Variants in SPAG17 observed in about 807,000 individuals in gnomAD.
SPAG17 encodes sperm-associated antigen 17.
Under a neutral mutation model 273.6 loss-of-function variants are expected in SPAG17, and 169 were observed. That is an observed-to-expected ratio of 0.62 (90% CI 0.55 to 0.70). The LOEUF (loss-of-function observed/expected upper bound fraction) is 0.70, where lower values mean the gene tolerates loss of function less well. SPAG17 is among the 30% of genes least tolerant of loss of function. The pLI, the probability that SPAG17 is intolerant of heterozygous loss-of-function variation, is 0.00. For missense variants in SPAG17, 2,557 were observed against 2,627.8 expected, an observed-to-expected ratio of 0.97 and a Z score of 0.59; for synonymous variants, 825 against 873.2, an observed-to-expected ratio of 0.94 and a Z score of 0.97.
chr1:118,103,792 G>A (rs539921225), intron 4 of SPAG17, among the ~76,000 whole-genome samples: 68 of 151,216 alleles, frequency 4.5e-4, no homozygotes, highest in South Asian at 2.9e-3. Flanking sequence ...ACATTTGAGC[G>A]AAGATCTCAA....
Position 118,023,360 on chromosome 1 carries a change from G to T in SPAG17, c.4013C>A (p.Ser1338Tyr). The T allele has an allele frequency of 3.7e-6, 6 of 1,612,614 alleles. No individual in the cohort carries two copies. Among genetic ancestry groups the T allele is most frequent in the Non-Finnish European group, 5.1e-6 (6 of 1,179,072 alleles). ...ATPHSGDLMD[S>Y]ISQQKSETIP... ...CGTTTCTGATTTCTGCTGAGAAATA[G>T]AGTCCATCAAATCTCCACTGTGAGG... is the stretch of plus-strand genomic sequence containing the variant. The change falls in exon 28 of 49, where the codon TCT (serine) becomes TAT (tyrosine). Residue 1338 changes from serine (S) to tyrosine (Y), a missense_variant. Coordinates refer to ENST00000336338, the MANE Select transcript of SPAG17 (RefSeq NM_206996.4).
At chr1:117,970,652 T>G (rs1430886508) in intron 45 of SPAG17, among the ~76,000 whole-genome samples, 1 of 152,116 alleles carries the variant, frequency 6.6e-6, no homozygotes, top group Non-Finnish European at 1.5e-5. Flanking sequence ...TTCCTGTGGT[T>G]TGTGGGGTCT....
At position 118,062,818 on chromosome 1, in the gene SPAG17, G is replaced by C. The variant is rs538150353; in HGVS notation, c.2540+3927C>G. On this transcript the variant is annotated intron_variant, in intron 18 of 48. Coordinates refer to ENST00000336338, the MANE Select transcript of SPAG17 (RefSeq NM_206996.4). Reference sequence around the variant, plus strand: ...CATTCCTTCCTGTCATACAAACCTTGAGCATTTAAAAAACTGACTACATAT... The same window carrying C: ...CATTCCTTCCTGTCATACAAACCTTCAGCATTTAAAAAACTGACTACATAT... 2.6e-5 allele frequency among the ~76,000 whole-genome samples: 4 copies of C among 152,210 alleles called. No individual in the cohort carries two copies. The East Asian group carries it at 7.7e-4, about 29-fold the overall frequency.
At chr1:118,120,747 CT>C (rs1322341659) in intron 3 of SPAG17, among the ~76,000 whole-genome samples, 1 of 152,140 alleles carries the variant, frequency 6.6e-6, no homozygotes, top group African/African-American at 2.4e-5. Context: ...TTTCTGTTAC[CT>C]TTTAAAATCC....
intron 18 of SPAG17, among the ~76,000 whole-genome samples, chr1:118,063,688 G>A (rs1306601610): frequency 2.6e-5 from 4 of 152,144 alleles, no homozygotes; most frequent in Admixed American, 2.0e-4. Flanking sequence ...AGGACTTCAC[G>A]TCTAAAACAC....
At position 117,957,658 on chromosome 1, in the gene SPAG17, T is replaced by C. The variant is rs141517009; in HGVS notation, c.*1-3609A>G. The stretch of plus-strand genomic sequence containing the variant: ...GCTTTGAATGTGGCCCAACACAAAT[T>C]TGTAAACTTTATTAAAACATTATGA... On this transcript the variant is annotated intron_variant, in intron 48 of 48. Coordinates refer to ENST00000336338, the MANE Select transcript of SPAG17 (RefSeq NM_206996.4). Among the ~76,000 whole-genome samples, 416 of 152,354 alleles carry C rather than the reference T, an allele frequency of 2.7e-3. 1 individual carries two copies. Among genetic ancestry groups the C allele is most frequent in the African/African-American group, 9.7e-3 (404 of 41,580 alleles).
chr1:118,105,255 C>T (rs1055118305), intron 4 of SPAG17, among the ~76,000 whole-genome samples: 1 of 152,008 alleles, frequency 6.6e-6, no homozygotes, highest in Non-Finnish European at 1.5e-5. Context: ...GGGAAGATGA[C>T]GTAAGAGTTA....
intron 47 of SPAG17, chr1:117,964,448 C>A (rs1653553574): frequency 6.6e-6 from 1 of 152,004 alleles, no homozygotes; most frequent in Non-Finnish European, 1.5e-5. Flanking sequence ...ATCTAATAAC[C>A]TGTGTGGAGA....
chr1:118,136,925 G>T (rs1477149300), intron 3 of SPAG17, among the ~76,000 whole-genome samples: 1 of 151,986 alleles, frequency 6.6e-6, no homozygotes, highest in Non-Finnish European at 1.5e-5. Context: ...GAAACAAGTT[G>T]GCAGGAAGAA....
At chr1:118,068,573 C>A (rs1252153523) in intron 17 of SPAG17, among the ~76,000 whole-genome samples, 2 of 152,132 alleles carry the variant, frequency 1.3e-5, no homozygotes, top group African/African-American at 4.8e-5. Context: ...TGCTCTCAAT[C>A]AATATGTAAA....
At chr1:118,115,470 G>C (rs1387077949) in intron 3 of SPAG17, 29 bp from the exon 4 acceptor site, 1 of 1,593,686 alleles carries the variant, frequency 6.3e-7, no homozygotes, top group Admixed American at 1.8e-5. Flanking sequence ...ATTAGAAAAA[G>C]TGATGTTTTA....
At chr1:117,980,687 T>A (rs1655695870) in intron 43 of SPAG17, among the ~76,000 whole-genome samples, 1 of 152,238 alleles carries the variant, frequency 6.6e-6, no homozygotes, top group Admixed American at 6.5e-5. Flanking sequence ...CAAATTAGTC[T>A]CTCTATCTCT....
chr1:118,057,096 C>G (rs1347414122), intron 18 of SPAG17, among the ~76,000 whole-genome samples: 2 of 152,018 alleles, frequency 1.3e-5, no homozygotes, highest in African/African-American at 4.8e-5. Context: ...CCTGATTCAG[C>G]CTCCCGAGTA....
intron 48 of SPAG17, among the ~76,000 whole-genome samples, chr1:117,956,734 A>G (rs976209881): frequency 4.6e-5 from 7 of 152,208 alleles, no homozygotes; most frequent in African/African-American, 1.2e-4. Context: ...ATCAGTCATC[A>G]TAATAGACTC....
At chr1:118,017,327 A>T (rs1029399730) in intron 28 of SPAG17, among the ~76,000 whole-genome samples, 4 of 152,108 alleles carry the variant, frequency 2.6e-5, no homozygotes, top group Non-Finnish European at 4.4e-5. Context: ...TAATCAAAAA[A>T]GGTGAGCTAT....
In SPAG17 at chr1:117,963,924, T is replaced by C. The variant is rs1280901986; in HGVS notation, c.6547A>G (p.Ser2183Gly). 1 of 1,614,008 alleles carries C rather than the reference T, an allele frequency of 6.2e-7. No homozygotes were observed. Residue 2183 changes from serine to glycine, a missense_variant, in exon 48 of 49, where the codon AGC (serine) becomes GGC (glycine). Transcript: ENST00000336338. ...LPVEATVLTS[S>G]NYDKRPKDFP... is the part of the protein sequence containing the mutation. ...TCTTTTGGTCGTTTATCATAATTGC[T>C]GCTTGTTAAAACAGGTAAAATACTT...
In SPAG17 at chr1:118,074,561, G is replaced by A. The variant is rs1571415378; in HGVS notation, c.2249C>T (p.Thr750Ile). ...TACCTTTTCATGAGAATCAGCCTTT[G>A]TGACTGCATCATCTTTGATCTCATT... ...TNNEIKDDAV[T>I]KADSHEKKPK... is the part of the protein sequence containing the mutation. Residue 750 changes from threonine to isoleucine, a missense_variant, in exon 16 of 49, where the codon ACA becomes ATA. By Grantham distance (89) the Thr-to-Ile change is moderately conservative. Coordinates refer to ENST00000336338, the MANE Select transcript of SPAG17 (RefSeq NM_206996.4). 2 of 1,613,600 alleles carry A rather than the reference G, an allele frequency of 1.2e-6. No homozygotes were observed. Among genetic ancestry groups the A allele is most frequent in the East Asian group, 4.5e-5 (2 of 44,870 alleles).
At chr1:117,993,071 A>G (rs1657285402) in intron 35 of SPAG17, among the ~76,000 whole-genome samples, 1 of 152,230 alleles carries the variant, frequency 6.6e-6, no homozygotes, top group South Asian at 2.1e-4. Context: ...AAGAGAAATA[A>G]TTCCATAGAT....
chr1:118,173,521 T>A (rs1342837138), intron 1 of SPAG17, among the ~76,000 whole-genome samples: 1 of 152,028 alleles, frequency 6.6e-6, no homozygotes, highest in Admixed American at 6.6e-5. Flanking sequence ...CATGAAAGCT[T>A]CAGGGCAATG....
Sources: allele counts gnomAD v4.1 joint callset (sites outside exome capture counted in the v4.1 genomes callset), GRCh38; gene constraint gnomAD v4.1.1; transcripts MANE v1.5; gene names NCBI Gene and HGNC (gene_info 2026-07-23, HGNC 2026-07-21).